ECHDC2: variants seen among roughly 807,000 people sequenced by gnomAD.
The protein encoded by ECHDC2 is enoyl-CoA hydratase domain containing 2, also known as enoyl-CoA hydratase domain-containing protein 2, mitochondrial.
Under a neutral mutation model 40.6 loss-of-function variants are expected in ECHDC2, and 34 were observed. The ratio of observed to expected loss-of-function variants is 0.84; its 90% CI spans 0.64 to 1.11. The LOEUF (loss-of-function observed/expected upper bound fraction) is 1.11, where lower values mean the gene tolerates loss of function less well. Ranked by LOEUF, ECHDC2 falls within the 50% of genes most tolerant of loss-of-function variation. ECHDC2 has a pLI of 0.00. For missense variants in ECHDC2, 392 were observed against 400.7 expected, an observed-to-expected ratio of 0.98 and a Z score of 0.19; for synonymous variants, 162 against 166.6, an observed-to-expected ratio of 0.97 and a Z score of 0.21.
intron 5 of ECHDC2, 58 bp from the exon 6 acceptor site, chr1:52,905,148 C>T: frequency 1.3e-6 from 2 of 1,582,266 alleles, no homozygotes; most frequent in South Asian, 1.1e-5. Context: ...CAGTGCTAAT[C>T]CCGGGGGCCA....
chr1:52,911,936 G>T, intron 1 of ECHDC2, 146 bp from the exon 2 acceptor site: 1 of 1,456,200 alleles, frequency 6.9e-7, no homozygotes, highest in Non-Finnish European at 9.1e-7. Flanking sequence ...CACACACTCA[G>T]GCAGGCCTCA....
Position 52,896,587 on chromosome 1 carries a change from G to A in ECHDC2, c.812C>T (p.Thr271Ile). ...TGCCATGCCCTCTAGCCGGTCCCGG[G>A]TTGGAATATTCTGCAACAAGGTACA... is the stretch of plus-strand genomic sequence containing the variant. The part of the protein sequence containing the change: ...EGMCYAQNIP[T>I]RDRLEGMAAF... The change falls in exon 10 of 10, where the codon ACC (threonine) becomes ATC (isoleucine). Residue 271 changes from threonine to isoleucine, a missense_variant. Coordinates refer to ENST00000371522, the MANE Select transcript of ECHDC2 (RefSeq NM_001198961.2). 1 of 1,613,984 alleles carries A rather than the reference G, an allele frequency of 6.2e-7. No individual in the cohort carries two copies. The highest frequency in any genetic ancestry group is 8.5e-7 in the Non-Finnish European group (1 of 1,179,900).
In ECHDC2 at chr1:52,896,605, A is replaced by T. The variant is rs772854518; in HGVS notation, c.802-8T>A. 2 of 1,612,820 alleles carry T rather than the reference A, an allele frequency of 1.2e-6. No individual in the cohort carries two copies. The highest frequency in any genetic ancestry group is 1.7e-6 in the Non-Finnish European group (2 of 1,178,880). On this transcript the variant is annotated splice_polypyrimidine_tract_variant and splice_region_variant and intron_variant, in intron 9 of 9. Transcript: ENST00000371522. The stretch of plus-strand genomic sequence containing the variant: ...GTCCCGGGTTGGAATATTCTGCAAC[A>T]AGGTACAAAATATTAGTTTTGGGGG...
At chr1:52,912,007 G>A in intron 1 of ECHDC2, 1 of 1,423,200 alleles carries the variant, frequency 7.0e-7, no homozygotes, top group African/African-American at 1.4e-5. Flanking sequence ...GAGAGAAAGT[G>A]GAAGGACTTG....
intron 5 of ECHDC2, 120 bp from the exon 6 acceptor site, chr1:52,905,210 G>T: frequency 9.1e-7 from 1 of 1,099,220 alleles, no homozygotes. Context: ...CCATGGTCTG[G>T]CCACAGCCAG....
At chr1:52,915,936 C>G (rs1650576629) in intron 1 of ECHDC2, among the ~76,000 whole-genome samples, 1 of 152,170 alleles carries the variant, frequency 6.6e-6, no homozygotes, top group Non-Finnish European at 1.5e-5. Context: ...CGGGCAACCT[C>G]TAATTGCTGA....
rs147032381 is a variant in ECHDC2 at position 52,896,568 on chromosome 1, G to A, written c.831C>T (p.Gly277=). ...TCCGCTTCTCCCTGAAGGCTGCCAT[G>A]CCCTCTAGCCGGTCCCGGGTTGGAA... The part of the protein sequence containing the change: ...QNIPTRDRLE[G]MAAFREKRTP... Residue 277 remains glycine (G), a synonymous_variant, in exon 10 of 10, where the codon GGC becomes GGT. Transcript: ENST00000371522. 2 of 1,613,996 alleles carry A rather than the reference G, an allele frequency of 1.2e-6. No individual in the cohort carries two copies. The highest frequency in any genetic ancestry group is 1.3e-5 in the African/African-American group (1 of 74,924).
Position 52,896,570 on chromosome 1 carries a change from C to T in ECHDC2, c.829G>A (p.Gly277Ser). Residue 277 changes from glycine (G) to serine (S), a missense_variant, in exon 10 of 10, where the codon GGC becomes AGC. Coordinates refer to ENST00000371522, the MANE Select transcript of ECHDC2 (RefSeq NM_001198961.2). ...QNIPTRDRLE[G>S]MAAFREKRTP... ...CGCTTCTCCCTGAAGGCTGCCATGC[C>T]CTCTAGCCGGTCCCGGGTTGGAATA... is the stretch of plus-strand genomic sequence containing the variant. The T allele has an allele frequency of 2.3e-5, 37 of 1,614,106 alleles. No homozygotes were observed. Among genetic ancestry groups the T allele is most frequent in the Non-Finnish European group, 3.1e-5 (37 of 1,180,006 alleles).
At chr1:52,906,399 A>G in intron 5 of ECHDC2, 120 bp downstream of exon 5, 1 of 861,540 alleles carries the variant, frequency 1.2e-6, no homozygotes, top group Non-Finnish European at 1.9e-6. Context: ...GCCTTGCCTT[A>G]GTTTTGCTTT....
intron 7 of ECHDC2, chr1:52,902,048 C>T (rs527540802): frequency 4.0e-4 from 60 of 151,548 alleles, no homozygotes; most frequent in African/African-American, 1.3e-3. Flanking sequence ...AAGACAAATG[C>T]TTTCAAAAAG....
intron 1 of ECHDC2, chr1:52,917,475 C>T: frequency 2.3e-6 from 1 of 443,746 alleles, no homozygotes; most frequent in Non-Finnish European, 4.5e-6. Flanking sequence ...AAAAGATTTC[C>T]ATAAGCAGAA....
At chr1:52,899,314 G>A (rs1646838875) in intron 7 of ECHDC2, 90 bp from the exon 8 acceptor site, 3 of 1,236,784 alleles carry the variant, frequency 2.4e-6, no homozygotes, top group African/African-American at 3.0e-5. Flanking sequence ...AAAGGAGGGA[G>A]GCAGATGTCT....
chr1:52,906,463 TTCAC>T (rs1322213036), intron 5 of ECHDC2, 52 bp downstream of exon 5: 2 of 1,407,812 alleles, frequency 1.4e-6, no homozygotes, highest in Non-Finnish European at 2.0e-6. Context: ...CTCACCCTGT[TTCAC>T]TCACCCCTGA....
intron 7 of ECHDC2, among the ~76,000 whole-genome samples, chr1:52,903,803 G>C (rs1647154121): frequency 6.7e-6 from 1 of 150,300 alleles, no homozygotes; most frequent in Admixed American, 6.6e-5. Context: ...CCTGTATGTT[G>C]TATTTCTTTC....
chr1:52,909,809 G>C (rs944662381), intron 3 of ECHDC2, among the ~76,000 whole-genome samples: 1 of 152,302 alleles, frequency 6.6e-6, no homozygotes, highest in Non-Finnish European at 1.5e-5. Flanking sequence ...GGTTGGTTGA[G>C]TCTGTGGGTG....
chr1:52,896,472 C>T lies in ECHDC2; in HGVS notation c.*48G>A, dbSNP rs765191461. 6.9e-7 allele frequency: 1 copy of T among 1,458,300 alleles called. No homozygotes were observed. The highest frequency in any genetic ancestry group is 1.7e-5 in the Admixed American group (1 of 59,790). 90.3% of individuals were successfully genotyped at this position (1,458,300 alleles called of 1,614,324 possible). On this transcript the variant is annotated 3_prime_UTR_variant, in exon 10 of 10. Transcript: ENST00000371522. ...CTGGCCACAAATCTTCCTTCTGGAT[C>T]CTGCTCTTCAGGGCATGCATCTCCC...
Position 52,921,567 on chromosome 1 carries a change from G to A in ECHDC2, c.107C>T (p.Ala36Val), listed in dbSNP as rs1651911049. ...TGCACATTTACCTTGGTCCGGACCC[G>A]CCAGGGCGCGCACTTGGATCTCTGA... ...GGSEIQVRALAGPDQGITEIL... is the reference protein window; with the variant it reads ...GGSEIQVRALVGPDQGITEIL... The change falls in exon 1 of 10, where the codon GCG becomes GTG. Residue 36 changes from alanine to valine, a missense_variant. Physicochemically the swap from Ala to Val is moderately conservative, Grantham distance 64 (BLOSUM62 0). Coordinates refer to ENST00000371522, the MANE Select transcript of ECHDC2 (RefSeq NM_001198961.2). 1 of 1,609,248 alleles carries A rather than the reference G, an allele frequency of 6.2e-7. No homozygotes were observed.
chr1:52,906,636 C>T, intron 4 of ECHDC2, 25 bp from the exon 5 acceptor site: 1 of 1,574,730 alleles, frequency 6.4e-7, no homozygotes, highest in Non-Finnish European at 8.6e-7. Flanking sequence ...AAAGGCTCAG[C>T]CTGCAAAGCC....
intron 1 of ECHDC2, chr1:52,920,340 C>A: frequency 1.5e-6 from 1 of 658,846 alleles, no homozygotes; most frequent in Non-Finnish European, 2.7e-6. Context: ...CAAAGCCCCG[C>A]TTCAAACTTG....
Sources: allele counts gnomAD v4.1 joint callset (sites outside exome capture counted in the v4.1 genomes callset), GRCh38; gene constraint gnomAD v4.1.1; transcripts MANE v1.5; gene names NCBI Gene and HGNC (gene_info 2026-07-23, HGNC 2026-07-21).